Variants in TTN observed in about 807,000 individuals in gnomAD.
The protein encoded by TTN is titin.
Under a neutral mutation model 3,223.0 loss-of-function variants are expected in TTN, and 1,525 were observed. The observed-to-expected ratio is 0.47, with a 90% CI of 0.45 to 0.49. The LOEUF (loss-of-function observed/expected upper bound fraction) is 0.49, where lower values mean the gene tolerates loss of function less well. Ranked by LOEUF, TTN falls within the 20% of genes least tolerant of loss-of-function variation. The pLI is 0.00. For missense variants in TTN, 40,786 were observed against 43,424.0 expected (o/e 0.94, Z 5.40); for synonymous variants, 14,094 against 15,161.0 (o/e 0.93, Z 5.17).
chr2:178,581,346 G>A (rs2047696234), intron 316 of TTN, among the ~76,000 whole-genome samples, 153 bp downstream of exon 316: 1 of 151,828 alleles, frequency 6.6e-6, no homozygotes, highest in South Asian at 2.1e-4. Context: ...CCACAATACC[G>A]TAAAGTACCC....
At position 178,669,425 on chromosome 2, in the gene TTN, A is replaced by G. The variant is rs1553803616; in HGVS notation, c.35493T>C (p.Ser11831=). Reference sequence around the variant, plus strand: ...CAATAGGTGATTTTTCTTCTTGAACACTTTTCTTAGGCATCCCAGGAACTT... The same window carrying G: ...CAATAGGTGATTTTTCTTCTTGAACGCTTTTCTTAGGCATCCCAGGAACTT... The part of the protein sequence containing the change: ...PAKVPGMPKK[S]VQEEKSPIVI... The change falls in exon 159 of 363, where the codon AGT becomes AGC. Residue 11831 remains serine, a synonymous_variant. Coordinates refer to ENST00000589042, the MANE Select transcript of TTN (RefSeq NM_001267550.2). 1 of 1,527,614 alleles carries G rather than the reference A, an allele frequency of 6.5e-7. No individual in the cohort carries two copies. The highest frequency in any genetic ancestry group is 8.7e-7 in the Non-Finnish European group (1 of 1,149,688). The allele number at this position is 1,527,614 out of a possible 1,614,324, so 94.6% of individuals were successfully genotyped here. A position where few individuals can be genotyped will look rare whatever the true frequency, so the allele number is the denominator to read the frequency against.
chr2:178,717,587 C>T lies in TTN; in HGVS notation c.25287G>A (p.Gln8429=), dbSNP rs1184844319. ...ILQTDQSHIG[Q]YNCSASNPLG... is the part of the protein sequence containing the mutation. ...GAGGATTAGAAGCAGAGCAATTATA[C>T]TGCCCTATGTGGCTCTGGTCAGTTT... is the stretch of plus-strand genomic sequence containing the variant. Residue 8429 remains glutamine (Q), a synonymous_variant, in exon 87 of 363, where the codon CAG becomes CAA. Coordinates refer to ENST00000589042, the MANE Select transcript of TTN (RefSeq NM_001267550.2). 1.9e-6 allele frequency: 3 copies of T among 1,613,190 alleles called. No individual in the cohort carries two copies. Among genetic ancestry groups the T allele is most frequent in the South Asian group, 2.2e-5 (2 of 90,960 alleles).
At position 178,604,599 on chromosome 2, in the gene TTN, C is replaced by T. The variant is rs72646814; in HGVS notation, c.54381+109G>A. The T allele has an allele frequency of 2.0e-4, 238 of 1,190,136 alleles. No homozygotes were observed. In the Middle Eastern group the frequency reaches 2.5e-3, roughly 13 times the overall value. 73.7% of individuals were successfully genotyped at this position (1,190,136 alleles called of 1,614,324 possible). ...CTACAATAACAAAATAACAGCTTAT[C>T]GTGTGTGGTTTTGAGTTTAATTATC... is the stretch of plus-strand genomic sequence containing the variant. On this transcript the variant is annotated intron_variant, in intron 281 of 362. Transcript: ENST00000589042.
rs1185169765 is a variant in TTN, at chr2:178,534,029, C to T, written c.102586G>A (p.Val34196Ile). Residue 34196 changes from valine (V) to isoleucine (I), a missense_variant, in exon 358 of 363, where the codon GTC becomes ATC. Val to Ile is a conservative substitution (Grantham distance 29). Transcript: ENST00000589042. ...TYEDGVAILY[V>I]KDITKLDDGT... is the part of the protein sequence containing the mutation. Reference sequence around the variant, plus strand: ...TCATCTAATTTGGTAATGTCTTTGACATAGAGGATGGCCACTCCATCTTCG... The same window carrying T: ...TCATCTAATTTGGTAATGTCTTTGATATAGAGGATGGCCACTCCATCTTCG... The T allele has an allele frequency of 2.5e-6, 4 of 1,613,838 alleles. No homozygotes were observed. Among genetic ancestry groups the T allele is most frequent in the African/African-American group, 1.3e-5 (1 of 74,918 alleles).
In TTN at chr2:178,689,149, T is replaced by C. The variant is rs761035926; in HGVS notation, c.32012-13A>G. On this transcript the variant is annotated splice_polypyrimidine_tract_variant and intron_variant, in intron 124 of 362. Transcript: ENST00000589042. ...GGCAGAGCTGGCACTTTAGAGACAT[T>C]ATGCACTTTTAGAAATTTAATGTGA... 6.2e-7 allele frequency: 1 copy of C among 1,600,106 alleles called. No individual in the cohort carries two copies. Among genetic ancestry groups the C allele is most frequent in the South Asian group, 1.1e-5 (1 of 87,686 alleles).
intron 22 of TTN, 81 bp from the exon 23 acceptor site, chr2:178,779,543 CTGTT>C: frequency 1.0e-6 from 1 of 975,652 alleles, no homozygotes; most frequent in Non-Finnish European, 1.5e-6. Flanking sequence ...CTGAGCTAGA[CTGTT>C]GAAGTTTTTA....
chr2:178,610,562 A>G (rs2056077933), intron 270 of TTN, among the ~76,000 whole-genome samples, 173 bp from the exon 271 acceptor site: 1 of 151,946 alleles, frequency 6.6e-6, no homozygotes, highest in Admixed American at 6.6e-5. Flanking sequence ...ACTAAATGTC[A>G]GTGGTATCTA....
chr2:178,633,221 C>G lies in TTN; in HGVS notation c.43052G>C (p.Trp14351Ser). 1 of 1,613,052 alleles carries G rather than the reference C, an allele frequency of 6.2e-7. No homozygotes were observed. Among genetic ancestry groups the G allele is most frequent in the African/African-American group, 1.3e-5 (1 of 74,992 alleles). The change falls in exon 233 of 363, where the codon TGG becomes TCG. Residue 14351 changes from tryptophan to serine, a missense_variant. Trp to Ser is a radical substitution (Grantham distance 177, BLOSUM62 -3). Coordinates refer to ENST00000589042, the MANE Select transcript of TTN (RefSeq NM_001267550.2). ...ELSEPDVHGQ[W>S]KLKGQPLTAS... ...TGTCAAAGGCTGTCCTTTCAGCTTCCACTGGCCGTGAACATCAGGTTCAGA... is the reference window on the plus strand; with the variant it reads ...TGTCAAAGGCTGTCCTTTCAGCTTCGACTGGCCGTGAACATCAGGTTCAGA...
rs762287310 is a variant in TTN at position 178,552,602 on chromosome 2, C to T, written c.90298G>A (p.Glu30100Lys). 1 of 1,613,752 alleles carries T rather than the reference C, an allele frequency of 6.2e-7. No individual in the cohort carries two copies. The highest frequency in any genetic ancestry group is 8.5e-7 in the Non-Finnish European group (1 of 1,179,836). The change falls in exon 335 of 363, where the codon GAG becomes AAG. Residue 30100 changes from glutamate to lysine, a missense_variant. Transcript: ENST00000589042. ...VSQLKEQSVL[E>K]FRVFAKNEKG... ...TCATTTTTGGCAAACACTCTGAACT[C>T]CAGGACTGACTGCTCCTTAAGTTGG... is the stretch of plus-strand genomic sequence containing the variant.
intron 152 of TTN, among the ~76,000 whole-genome samples, chr2:178,673,364 C>T (rs1169603755): frequency 4.0e-5 from 6 of 151,716 alleles, no homozygotes; most frequent in Non-Finnish European, 7.4e-5. Context: ...GGATCCATTG[C>T]TATGTGTATA....
In TTN at chr2:178,586,722, A is replaced by G. The variant is rs1576016824; in HGVS notation, c.64179T>C (p.Asp21393=). Residue 21393 remains aspartate, a synonymous_variant, in exon 308 of 363, where the codon GAT becomes GAC. Transcript: ENST00000589042. The part of the protein sequence containing the change: ...ATLAWLPPLR[D]GGAKIDGYIT... ...TGTAGCCATCGATTTTAGCACCTCC[A>G]TCACGTAGGGGAGGTAACCAGGCTA... 8.1e-6 allele frequency: 13 copies of G among 1,613,084 alleles called. No homozygotes were observed. Among genetic ancestry groups the G allele is most frequent in the Non-Finnish European group, 1.1e-5 (13 of 1,179,326 alleles).
chr2:178,618,868 A>G lies in TTN; in HGVS notation c.46697-15T>C. 2 of 1,604,780 alleles carry G rather than the reference A, an allele frequency of 1.2e-6. No homozygotes were observed. The highest frequency in any genetic ancestry group is 2.2e-5 in the South Asian group (2 of 89,410). ...TTTTGGTGCAGCTAGTGAGAAAGATAACATGTGAACGCTTTCGACTATTAA... is the reference window on the plus strand; with the variant it reads ...TTTTGGTGCAGCTAGTGAGAAAGATGACATGTGAACGCTTTCGACTATTAA... On this transcript the variant is annotated splice_polypyrimidine_tract_variant and intron_variant, in intron 250 of 362. Coordinates refer to ENST00000589042, the MANE Select transcript of TTN (RefSeq NM_001267550.2).
intron 241 of TTN, 107 bp downstream of exon 241, chr2:178,625,166 G>A (rs2058840381): frequency 7.3e-7 from 1 of 1,372,578 alleles, no homozygotes. Flanking sequence ...TGATTATTTG[G>A]TTGATTTTAA....
chr2:178,707,068 A>G, intron 100 of TTN, 114 bp from the exon 101 acceptor site: 2 of 858,236 alleles, frequency 2.3e-6, no homozygotes, highest in Non-Finnish European at 3.5e-6. Context: ...AGTACTGCAG[A>G]ATTCTCTTTC....
intron 345 of TTN, 35 bp from the exon 346 acceptor site, chr2:178,544,150 G>A: frequency 6.2e-7 from 1 of 1,603,478 alleles, no homozygotes; most frequent in Non-Finnish European, 8.5e-7. Context: ...ATTAATTCAT[G>A]GACAGGTGTG....
At position 178,571,291 on chromosome 2, in the gene TTN, G is replaced by T; in HGVS notation, c.74841C>A (p.Arg24947=). ...CCCAGAGGATGCTATTTCTTTCCTTGCGTTCTAGATGATAGCCAATGACTC... is the reference window on the plus strand; with the variant it reads ...CCCAGAGGATGCTATTTCTTTCCTTTCGTTCTAGATGATAGCCAATGACTC... ...GSRVIGYHLE[R]KERNSILWVK... The change falls in exon 326 of 363, where the codon CGC becomes CGA. Residue 24947 remains arginine (R), a synonymous_variant. Coordinates refer to ENST00000589042, the MANE Select transcript of TTN (RefSeq NM_001267550.2). 1 of 1,613,450 alleles carries T rather than the reference G, an allele frequency of 6.2e-7. No individual in the cohort carries two copies. Among genetic ancestry groups the T allele is most frequent in the Admixed American group, 1.7e-5 (1 of 59,978 alleles).
chr2:178,667,682 A>G lies in TTN; in HGVS notation c.35585T>C (p.Val11862Ala), dbSNP rs754040917. ...ASEEAVLEEK[V>A]LVTQPQKTKP... is the part of the protein sequence containing the mutation. The stretch of plus-strand genomic sequence containing the variant: ...TGTCTTTTGAGGTTGAGTCACAAGT[A>G]CTTTTTCTTCTAGGACTGCTTCTTC... Residue 11862 changes from valine (V) to alanine (A), a missense_variant, in exon 160 of 363, where the codon GTA (valine) becomes GCA (alanine). Val to Ala is a moderately conservative substitution (Grantham distance 64). Coordinates refer to ENST00000589042, the MANE Select transcript of TTN (RefSeq NM_001267550.2). 6.3e-6 allele frequency: 10 copies of G among 1,597,132 alleles called. No individual in the cohort carries two copies. In the South Asian group the frequency reaches 9.9e-5, roughly 16 times the overall value.
chr2:178,552,763 G>T lies in TTN; in HGVS notation c.90137C>A (p.Ser30046Tyr). Reference sequence around the variant, plus strand: ...AGGTTTGGTCCAGCTGAGGATGACAGATGTCTTTGTTGAGTCTTTCATTGA... The same window carrying T: ...AGGTTTGGTCCAGCTGAGGATGACATATGTCTTTGTTGAGTCTTTCATTGA... ...DLSMKDSTKT[S>Y]VILSWTKPDF... The change falls in exon 335 of 363, where the codon TCT (serine) becomes TAT (tyrosine). Residue 30046 changes from serine (S) to tyrosine (Y), a missense_variant. By Grantham distance (144) the Ser-to-Tyr change is moderately radical. Coordinates refer to ENST00000589042, the MANE Select transcript of TTN (RefSeq NM_001267550.2). 1 of 1,613,950 alleles carries T rather than the reference G, an allele frequency of 6.2e-7. No individual in the cohort carries two copies.
In TTN at chr2:178,554,049, T is replaced by G. The variant is rs748577989; in HGVS notation, c.89062A>C (p.Ile29688Leu). ...GTTACTTTTTGTCTGGTGTCACGGATAGTCTCTTTTAGTACTTTAAACCAT... is the reference window on the plus strand; with the variant it reads ...GTTACTTTTTGTCTGGTGTCACGGAGAGTCTCTTTTAGTACTTTAAACCAT... ...LGWFKVLKET[I>L]RDTRQKVTGL... Residue 29688 changes from isoleucine (I) to leucine (L), a missense_variant, in exon 333 of 363, where the codon ATC becomes CTC. Ile to Leu is a conservative substitution (Grantham distance 5). Coordinates refer to ENST00000589042, the MANE Select transcript of TTN (RefSeq NM_001267550.2). 4 of 1,613,750 alleles carry G rather than the reference T, an allele frequency of 2.5e-6. No individual in the cohort carries two copies. The highest frequency in any genetic ancestry group is 3.4e-6 in the Non-Finnish European group (4 of 1,179,828).
Sources: gnomAD v4.1 joint callset for allele counts (sites outside exome capture counted in the v4.1 genomes callset) on GRCh38, gnomAD v4.1.1 for gene constraint, MANE v1.5 for transcripts, NCBI Gene and HGNC (gene_info 2026-07-23, HGNC 2026-07-21) for gene names.